The following PTPRT variants were observed in gnomAD, a reference collection of about 807,000 sequenced individuals.
PTPRT encodes protein tyrosine phosphatase receptor type T, also known as receptor-type tyrosine-protein phosphatase T.
PTPRT carries 56 observed loss-of-function variants against 176.8 expected under a neutral mutation model. The observed-to-expected ratio is 0.32, with a 90% CI of 0.26 to 0.40. The LOEUF is 0.40. PTPRT is among the 10% of genes least tolerant of loss of function. The pLI, the probability that PTPRT is intolerant of heterozygous loss-of-function variation, is 1.00. For missense variants in PTPRT, 1,540 were observed against 1,908.2 expected, an observed-to-expected ratio of 0.81 and a Z score of 3.60; for synonymous variants, 783 against 739.0, an observed-to-expected ratio of 1.06 and a Z score of -0.96.
intron 7 of PTPRT, among the ~76,000 whole-genome samples, chr20:42,566,264 T>C (rs1288841453): frequency 7.1e-6 from 1 of 139,888 alleles, no homozygotes; most frequent in African/African-American, 2.9e-5. Context: ...GCCTCCCAAG[T>C]AGCTGGGATT....
intron 1 of PTPRT, among the ~76,000 whole-genome samples, chr20:42,960,052 G>C (rs1293044761): frequency 6.6e-6 from 1 of 151,866 alleles, no homozygotes; most frequent in Non-Finnish European, 1.5e-5. Flanking sequence ...GGAGTGTCTG[G>C]GTCCTTAGGT....
chr20:42,138,497 C>T (rs1244083110), intron 18 of PTPRT, among the ~76,000 whole-genome samples: 1 of 152,198 alleles, frequency 6.6e-6, no homozygotes, highest in Non-Finnish European at 1.5e-5. Flanking sequence ...ATCTAGATTA[C>T]ACCTTTATAA....
chr20:42,804,243 T>A, intron 2 of PTPRT, among the ~76,000 whole-genome samples: 1 of 152,144 alleles, frequency 6.6e-6, no homozygotes, highest in East Asian at 1.9e-4. Context: ...GCTAGTTTCC[T>A]ATTTCAGTCT....
At chr20:42,511,784 A>G (rs1262383287) in intron 7 of PTPRT, among the ~76,000 whole-genome samples, 1 of 151,996 alleles carries the variant, frequency 6.6e-6, no homozygotes, top group African/African-American at 2.4e-5. Flanking sequence ...TCCTTCTGAA[A>G]GGGCTACACC....
At chr20:42,330,492 T>TA (rs1183461639) in intron 11 of PTPRT, among the ~76,000 whole-genome samples, 2 of 150,504 alleles carry the variant, frequency 1.3e-5, no homozygotes, top group Non-Finnish European at 3.0e-5. Flanking sequence ...ATAAAATAAA[T>TA]AAAAAATAAT....
chr20:42,723,069 A>C (rs570229003), intron 6 of PTPRT, among the ~76,000 whole-genome samples: 28 of 152,320 alleles, frequency 1.8e-4, no homozygotes, highest in African/African-American at 5.8e-4. Context: ...ATATAACCTC[A>C]GAATGTCTTC....
chr20:42,554,337 G>A (rs935157504), intron 7 of PTPRT, among the ~76,000 whole-genome samples: 1 of 152,108 alleles, frequency 6.6e-6, no homozygotes, highest in African/African-American at 2.4e-5. Context: ...TGCATTAATG[G>A]ATTTTTTAAA....
chr20:42,449,557 C>T (rs2070790103), intron 8 of PTPRT, among the ~76,000 whole-genome samples: 2 of 152,182 alleles, frequency 1.3e-5, no homozygotes, highest in African/African-American at 4.8e-5. Flanking sequence ...AGCCATAAAA[C>T]ACCTCTGCCC....
intron 13 of PTPRT, among the ~76,000 whole-genome samples, chr20:42,277,543 AT>A (rs1206246652): frequency 6.6e-6 from 1 of 152,122 alleles, no homozygotes; most frequent in African/African-American, 2.4e-5. Context: ...AGCAAATTTC[AT>A]TTTCTGAAAG....
intron 7 of PTPRT, among the ~76,000 whole-genome samples, chr20:42,612,664 C>T (rs1165122933): frequency 1.3e-5 from 2 of 152,118 alleles, no homozygotes; most frequent in African/African-American, 4.8e-5. Flanking sequence ...TGCCAGCCAG[C>T]TTCCCTGGCT....
At chr20:42,881,679 A>G (rs2079012284) in intron 2 of PTPRT, among the ~76,000 whole-genome samples, 2 of 149,872 alleles carry the variant, frequency 1.3e-5, no homozygotes, top group African/African-American at 2.5e-5. Context: ...GAGCTGAGAT[A>G]ACGCCACAGC....
rs114922144 is a variant in PTPRT at position 42,544,240 on chromosome 20, C to T, written c.1154-71678G>A. 3.4e-3 allele frequency among the ~76,000 whole-genome samples: 521 copies of T among 152,310 alleles called. 6 individuals are homozygous for T. The highest frequency in any genetic ancestry group is 0.012 in the African/African-American group (496 of 41,554). On this transcript the variant is annotated intron_variant, in intron 7 of 30. Coordinates refer to ENST00000373187, the MANE Select transcript of PTPRT (RefSeq NM_007050.6). ...AAAATCATCTGTTTAGTCTAGCCAC[C>T]TTCATCAATTATCTTAGCTACACAT...
In PTPRT at chr20:42,520,013, AT is replaced by A. The variant is rs537700887; in HGVS notation, c.1154-47452del. ...CACATAGCTTCATTTTTTCATAATA[AT>A]TTTTTTTGCCTTAAGCTCTGTTTTG... On this transcript the variant is annotated intron_variant, in intron 7 of 30. Coordinates refer to ENST00000373187, the MANE Select transcript of PTPRT (RefSeq NM_007050.6). 2.0e-5 allele frequency among the ~76,000 whole-genome samples: 3 copies of A among 151,802 alleles called. 1 individual carries two copies. Among genetic ancestry groups the A allele is most frequent in the African/African-American group, 7.2e-5 (3 of 41,430 alleles).
At chr20:42,840,631 T>C (rs1305825281) in intron 2 of PTPRT, among the ~76,000 whole-genome samples, 2 of 152,178 alleles carry the variant, frequency 1.3e-5, no homozygotes, top group African/African-American at 4.8e-5. Flanking sequence ...CAGGCTGGTC[T>C]CAAACTCTTG....
At chr20:42,681,200 G>A (rs2075597957) in intron 6 of PTPRT, among the ~76,000 whole-genome samples, 1 of 152,136 alleles carries the variant, frequency 6.6e-6, no homozygotes, top group Admixed American at 6.5e-5. Context: ...CTATCTCTAA[G>A]ATGAACTCTT....
chr20:42,747,070 G>A (rs1040136374), intron 6 of PTPRT, among the ~76,000 whole-genome samples: 4 of 152,158 alleles, frequency 2.6e-5, no homozygotes, highest in Non-Finnish European at 5.9e-5. Context: ...AAGACCATAA[G>A]AGGAGCACAG....
intron 16 of PTPRT, among the ~76,000 whole-genome samples, chr20:42,188,688 A>G (rs1990876504): frequency 6.6e-6 from 1 of 152,300 alleles, no homozygotes; most frequent in Middle Eastern, 3.4e-3. Flanking sequence ...TACATCGTCA[A>G]CATCACTTCT....
chr20:42,177,136 A>C (rs767520388), intron 16 of PTPRT, among the ~76,000 whole-genome samples: 17 of 152,200 alleles, frequency 1.1e-4, no homozygotes, highest in Non-Finnish European at 2.5e-4. Flanking sequence ...GGTGTAATGT[A>C]CATATCTAGA....
intron 6 of PTPRT, among the ~76,000 whole-genome samples, chr20:42,750,086 A>G (rs898850961): frequency 2.6e-5 from 4 of 152,186 alleles, no homozygotes; most frequent in African/African-American, 9.7e-5. Flanking sequence ...GACTTCAAAC[A>G]ATGGATTGGA....
Sources: allele counts gnomAD v4.1 joint callset (sites outside exome capture counted in the v4.1 genomes callset), GRCh38; gene constraint gnomAD v4.1.1; transcripts MANE v1.5; gene names NCBI Gene and HGNC (gene_info 2026-07-23, HGNC 2026-07-21).